FOXP2: variants seen among roughly 807,000 people sequenced by gnomAD.
The protein encoded by FOXP2 is forkhead box protein P2.
Under a neutral mutation model 115.8 loss-of-function variants are expected in FOXP2, and 12 were observed. That is an observed-to-expected ratio of 0.10 (90% CI 0.07 to 0.17). FOXP2 has a LOEUF of 0.17. Among genes scored for constraint, FOXP2 ranks in the 10% least tolerant of loss-of-function variants. The pLI, the probability that FOXP2 is intolerant of heterozygous loss-of-function variation, is 1.00. For synonymous variants in FOXP2, 328 were observed against 297.7 expected (o/e 1.10, Z -1.05); for missense variants, 629 against 843.5 (o/e 0.75, Z 3.15).
intron 1 of FOXP2, among the ~76,000 whole-genome samples, chr7:114,093,250 C>G (rs1202118544): frequency 6.6e-6 from 1 of 152,162 alleles, no homozygotes; most frequent in Non-Finnish European, 1.5e-5. Context: ...GATCTATCCT[C>G]CTGTATCTTC....
chr7:114,638,882 C>T (rs143322971), intron 6 of FOXP2, among the ~76,000 whole-genome samples: 271 of 152,248 alleles, frequency 1.8e-3, no homozygotes, highest in African/African-American at 6.3e-3. Flanking sequence ...ACTGTGTCTT[C>T]CTGTTTTTAA....
intron 2 of FOXP2, among the ~76,000 whole-genome samples, chr7:114,382,383 T>G (rs1243910762): frequency 6.6e-6 from 1 of 152,300 alleles, no homozygotes; most frequent in East Asian, 1.9e-4. Flanking sequence ...CAGAGGACCT[T>G]CATCCCCTGG....
At chr7:114,436,970 T>A (rs1584734081) in intron 2 of FOXP2, among the ~76,000 whole-genome samples, 1 of 152,300 alleles carries the variant, frequency 6.6e-6, no homozygotes, top group East Asian at 1.9e-4. Flanking sequence ...ATTTTCTATA[T>A]CTTTTTATGG....
intron 2 of FOXP2, among the ~76,000 whole-genome samples, chr7:114,454,823 A>G (rs1795228081): frequency 7.8e-6 from 1 of 128,254 alleles, no homozygotes; most frequent in African/African-American, 3.1e-5. Flanking sequence ...GAACAATGAG[A>G]TCACATGGAC....
chr7:114,438,396 A>G (rs1794448070), intron 2 of FOXP2, among the ~76,000 whole-genome samples: 1 of 152,216 alleles, frequency 6.6e-6, no homozygotes, highest in African/African-American at 2.4e-5. Context: ...GGTGCATGTT[A>G]GCAGGTGTCA....
chr7:114,579,262 A>G lies in FOXP2; in HGVS notation c.258+44556A>G, dbSNP rs535360578. Among the ~76,000 whole-genome samples, 63 of 152,338 alleles carry G rather than the reference A, an allele frequency of 4.1e-4. 1 individual carries two copies. The highest frequency in any genetic ancestry group is 6.8e-3 in the Middle Eastern group (2 of 294). On this transcript the variant is annotated intron_variant, in intron 3 of 16. Coordinates refer to ENST00000350908, the MANE Select transcript of FOXP2 (RefSeq NM_014491.4). ...TTTAAATATTGGACACTCAATGTATAAAGCCCAGGTTAGATGCTTGGATTG... is the reference window on the plus strand; with the variant it reads ...TTTAAATATTGGACACTCAATGTATGAAGCCCAGGTTAGATGCTTGGATTG...
intron 9 of FOXP2, 32 bp from the exon 10 acceptor site, chr7:114,653,894 A>G (rs1806426665): frequency 6.2e-7 from 1 of 1,602,160 alleles, no homozygotes. Flanking sequence ...AGTCATTTCT[A>G]AAACGCTTCT....
intron 2 of FOXP2, among the ~76,000 whole-genome samples, chr7:114,405,068 A>C (rs1792999667): frequency 6.6e-6 from 1 of 151,926 alleles, no homozygotes; most frequent in Non-Finnish European, 1.5e-5. Context: ...AGTAGAAAAC[A>C]ATTTTTGTTA....
intron 1 of FOXP2, among the ~76,000 whole-genome samples, chr7:114,237,587 G>T (rs73439587): frequency 0.012 from 1,838 of 152,114 alleles, 46 homozygotes; most frequent in African/African-American, 0.042. Context: ...CTCCCACACT[G>T]TGGAGTGTAC....
chr7:114,236,642 A>G (rs1485511680), intron 1 of FOXP2, among the ~76,000 whole-genome samples: 4 of 152,256 alleles, frequency 2.6e-5, no homozygotes, highest in African/African-American at 7.2e-5. Context: ...AGAACTTTAC[A>G]TACACATGTA....
intron 2 of FOXP2, among the ~76,000 whole-genome samples, chr7:114,368,679 T>A (rs1791937379): frequency 6.6e-6 from 1 of 152,152 alleles, no homozygotes; most frequent in Non-Finnish European, 1.5e-5. Flanking sequence ...TCCAGACACA[T>A]ACACAGTTTC....
chr7:114,558,557 A>G (rs900039796), intron 3 of FOXP2, among the ~76,000 whole-genome samples: 4 of 152,122 alleles, frequency 2.6e-5, no homozygotes, highest in Non-Finnish European at 5.9e-5. Context: ...GTTTGACTTT[A>G]TGGGACTGTC....
At chr7:114,561,540 C>T (rs1350788247) in intron 3 of FOXP2, 2 of 152,212 alleles carry the variant, frequency 1.3e-5, no homozygotes, top group East Asian at 1.9e-4. Flanking sequence ...TGAATAATTT[C>T]TTCTCTTAAG....
chr7:114,374,388 G>A (rs1396448339), intron 2 of FOXP2, among the ~76,000 whole-genome samples: 1 of 152,116 alleles, frequency 6.6e-6, no homozygotes, highest in African/African-American at 2.4e-5. Context: ...TGAGATTTCA[G>A]TAAATTACCA....
At chr7:114,223,785 T>C (rs1330635546) in intron 1 of FOXP2, among the ~76,000 whole-genome samples, 1 of 151,582 alleles carries the variant, frequency 6.6e-6, no homozygotes, top group Admixed American at 6.6e-5. Flanking sequence ...TCTTTTTTAC[T>C]TTCTTTAGGT....
At chr7:114,653,403 A>C in intron 9 of FOXP2, 3 of 167,258 alleles carry the variant, frequency 1.8e-5, no homozygotes, top group South Asian at 3.2e-4. Flanking sequence ...ACTCCGTGGC[A>C]GAGTTCAGCG....
intron 2 of FOXP2, among the ~76,000 whole-genome samples, chr7:114,452,335 T>C (rs755985757): frequency 6.6e-6 from 1 of 151,982 alleles, no homozygotes; most frequent in African/African-American, 2.4e-5. Flanking sequence ...TAAAAAAAAA[T>C]CTTATTGGTA....
chr7:114,636,090 A>C (rs1485103843), intron 6 of FOXP2, among the ~76,000 whole-genome samples: 1 of 152,144 alleles, frequency 6.6e-6, no homozygotes, highest in African/African-American at 2.4e-5. Flanking sequence ...TTGTATCTGT[A>C]GGTGATAGTA....
chr7:114,668,099 C>G (rs1807272191), intron 16 of FOXP2: 1 of 151,992 alleles, frequency 6.6e-6, no homozygotes, highest in South Asian at 2.1e-4. Flanking sequence ...AAGAATTCAG[C>G]ATTTTACTTG....
Sources: gnomAD v4.1 joint callset for allele counts (sites outside exome capture counted in the v4.1 genomes callset) on GRCh38, gnomAD v4.1.1 for gene constraint, MANE v1.5 for transcripts, NCBI Gene and HGNC (gene_info 2026-07-23, HGNC 2026-07-21) for gene names.